Variants in TMEM50B observed in about 807,000 individuals in gnomAD.
TMEM50B encodes the protein transmembrane protein 50B.
Under a neutral mutation model 23.4 loss-of-function variants are expected in TMEM50B, and 14 were observed. The ratio of observed to expected loss-of-function variants is 0.60; its 90% CI spans 0.39 to 0.93. TMEM50B has a LOEUF of 0.93. TMEM50B is among the 40% of genes least tolerant of loss of function. TMEM50B has a pLI of 0.00. For synonymous variants in TMEM50B, 64 were observed against 62.3 expected, an observed-to-expected ratio of 1.03 and a Z score of -0.13; for missense variants, 159 against 193.0, an observed-to-expected ratio of 0.82 and a Z score of 1.04.
downstream of TMEM50B, among the ~76,000 whole-genome samples, chr21:33,445,500 C>A (rs77861685): frequency 0.027 from 4,068 of 152,374 alleles, 185 homozygotes; most frequent in African/African-American, 0.092. Flanking sequence ...AACATCCCTT[C>A]AAAAGTCATC....
At chr21:33,434,097 G>A (rs992151797) in intron 8 of TMEM50B, among the ~76,000 whole-genome samples, 1 of 152,180 alleles carries the variant, frequency 6.6e-6, no homozygotes, top group Non-Finnish European at 1.5e-5. Context: ...GAACAGTAGC[G>A]TGGGTCTTGT....
chr21:33,434,259 C>T (rs753294501), intron 8 of TMEM50B, among the ~76,000 whole-genome samples: 3 of 152,202 alleles, frequency 2.0e-5, no homozygotes, highest in Admixed American at 2.0e-4. Context: ...CAGTGACCCA[C>T]ACCTGTAATC....
chr21:33,453,810 A>G (rs1663224395), intron 6 of TMEM50B, among the ~76,000 whole-genome samples: 1 of 152,150 alleles, frequency 6.6e-6, no homozygotes, highest in African/African-American at 2.4e-5. Context: ...ACATTAAAAG[A>G]CATTCATTCT....
chr21:33,465,147 G>C, intron 4 of TMEM50B, 195 bp downstream of exon 4: 2 of 482,532 alleles, frequency 4.1e-6, no homozygotes, highest in Non-Finnish European at 7.4e-6. Flanking sequence ...AGTGTAACAT[G>C]ACAAAAACAG....
chr21:33,464,991 T>C (rs1173651466), intron 4 of TMEM50B: 1 of 187,252 alleles, frequency 5.3e-6, no homozygotes, highest in African/African-American at 2.3e-5. Flanking sequence ...TCCCCTAATG[T>C]GTTCATTACT....
intron 5 of TMEM50B, among the ~76,000 whole-genome samples, chr21:33,457,977 T>G (rs997098824): frequency 6.6e-6 from 1 of 152,160 alleles, no homozygotes; most frequent in South Asian, 2.1e-4. Flanking sequence ...AGCAGCCAAC[T>G]GATGAGACCA....
chr21:33,479,065 C>CT (rs2084401725), intron 1 of TMEM50B: 1 of 313,084 alleles, frequency 3.2e-6, no homozygotes, highest in Non-Finnish European at 6.3e-6. Flanking sequence ...GCAGCCCAGC[C>CT]TAGCCCGTCT....
At chr21:33,432,607 T>C (rs540727152) in exon 9 of TMEM50B, 7 of 1,292,206 alleles carry the variant, frequency 5.4e-6, no homozygotes, top group Middle Eastern at 1.8e-4. Context: ...GACTTGCCCA[T>C]TTTACTAGGA....
At chr21:33,441,092 C>T (rs1040318422) in intron 7 of TMEM50B, among the ~76,000 whole-genome samples, 4 of 148,904 alleles carry the variant, frequency 2.7e-5, no homozygotes, top group Non-Finnish European at 6.0e-5. Flanking sequence ...CAGCCCAGCG[C>T]AGTGGCAGGT....
chr21:33,479,737 C>G (rs995617374), intron 1 of TMEM50B, 101 bp downstream of exon 1: 1 of 152,556 alleles, frequency 6.6e-6, no homozygotes, highest in African/African-American at 2.4e-5. Context: ...CCCAGAAGGC[C>G]GGGCCGGACA....
At chr21:33,435,962 G>GAGGCAGGAGAATTGCTTGAACCC in intron 8 of TMEM50B, among the ~76,000 whole-genome samples, 1 of 151,222 alleles carries the variant, frequency 6.6e-6, no homozygotes, top group Non-Finnish European at 1.5e-5. Context: ...TTGGGAAGCT[G>GAGGCAGGAGAATTGCTTGAACCC]AGGCAGGAGA....
chr21:33,457,176 C>T lies in TMEM50B; in HGVS notation c.374-1392G>A, dbSNP rs575984958. 7.9e-5 allele frequency among the ~76,000 whole-genome samples: 12 copies of T among 151,802 alleles called. No individual in the cohort carries two copies. The South Asian group carries it at 2.5e-3, about 32-fold the overall frequency. On this transcript the variant is annotated intron_variant, in intron 5 of 6. Transcript: ENST00000542230. ...GATTGAGACAGGAGAATCACTTGAA[C>T]CCAGGAGGCAGAGGTTGCCGTGGGC... is the stretch of plus-strand genomic sequence containing the variant.
chr21:33,451,377 T>C (rs943901649), intron 6 of TMEM50B, among the ~76,000 whole-genome samples: 2 of 152,196 alleles, frequency 1.3e-5, no homozygotes, highest in Non-Finnish European at 2.9e-5. Flanking sequence ...CAGACAAACT[T>C]GCTCCCTAAT....
intron 8 of TMEM50B, among the ~76,000 whole-genome samples, chr21:33,433,918 G>A (rs144491775): frequency 6.6e-6 from 1 of 152,196 alleles, no homozygotes; most frequent in Non-Finnish European, 1.5e-5. Context: ...AAGTGGCCTG[G>A]CTGGAGGACG....
In TMEM50B at chr21:33,471,509, T is replaced by C. The variant is rs79929457; in HGVS notation, c.-41-2583A>G. Among the ~76,000 whole-genome samples, 1,067 of 152,192 alleles carry C rather than the reference T, an allele frequency of 7.0e-3. 41 individuals carry two copies. Among genetic ancestry groups the C allele is most frequent in the Admixed American group, 0.056 (848 of 15,270 alleles). The stretch of plus-strand genomic sequence containing the variant: ...ATTATAAAAATCATATTCAAGGACT[T>C]ACAGGAAAACATGGTCAAAATAACT... On this transcript the variant is annotated intron_variant, in intron 1 of 6. Transcript: ENST00000542230.
In TMEM50B at chr21:33,450,867, G is replaced by C; in HGVS notation, c.432-4C>G. 1.2e-6 allele frequency: 2 copies of C among 1,611,638 alleles called. No individual in the cohort carries two copies. Among genetic ancestry groups the C allele is most frequent in the Middle Eastern group, 1.7e-4 (1 of 6,042 alleles). ...TCCAAATTTGTAGATCAGAGTGCTAGAAAGATAGGAAAACAAATCATGAGG... is the reference window on the plus strand; with the variant it reads ...TCCAAATTTGTAGATCAGAGTGCTACAAAGATAGGAAAACAAATCATGAGG... On this transcript the variant is annotated splice_region_variant and splice_polypyrimidine_tract_variant and intron_variant, in intron 6 of 6. Coordinates refer to ENST00000542230, the MANE Select transcript of TMEM50B (RefSeq NM_006134.7).
chr21:33,473,629 C>A (rs1301378288), intron 1 of TMEM50B, among the ~76,000 whole-genome samples: 2 of 143,908 alleles, frequency 1.4e-5, no homozygotes, highest in Middle Eastern at 3.4e-3. Context: ...TGAGCTATGA[C>A]AGGTGACACA....
At chr21:33,454,420 C>T (rs938153052) in intron 6 of TMEM50B, among the ~76,000 whole-genome samples, 3 of 152,080 alleles carry the variant, frequency 2.0e-5, no homozygotes, top group Admixed American at 6.6e-5. Context: ...CCTGCCTCAG[C>T]CTTCCGAGTA....
At chr21:33,453,307 C>T (rs779689999) in intron 6 of TMEM50B, among the ~76,000 whole-genome samples, 7 of 151,992 alleles carry the variant, frequency 4.6e-5, no homozygotes, top group African/African-American at 9.7e-5. Context: ...CCAGGCTGGT[C>T]TCGAACTCCT....
Sources: gnomAD v4.1 joint callset for allele counts (sites outside exome capture counted in the v4.1 genomes callset) on GRCh38, gnomAD v4.1.1 for gene constraint, MANE v1.5 for transcripts, NCBI Gene and HGNC (gene_info 2026-07-23, HGNC 2026-07-21) for gene names.